The following TBC1D22A variants were observed in gnomAD, a reference collection of about 807,000 sequenced individuals.
The protein encoded by TBC1D22A is putative GTPase activator.
Under a neutral mutation model 60.2 loss-of-function variants are expected in TBC1D22A, and 38 were observed. That is an observed-to-expected ratio of 0.63 (90% CI 0.49 to 0.83). TBC1D22A has a LOEUF of 0.83. Among genes scored for constraint, TBC1D22A ranks in the 40% least tolerant of loss-of-function variants. TBC1D22A has a pLI of 0.00. For missense variants in TBC1D22A, 628 were observed against 701.0 expected (o/e 0.90, Z 1.18); for synonymous variants, 302 against 281.7 (o/e 1.07, Z -0.72).
chr22:47,161,494 G>A (rs1041381802), intron 12 of TBC1D22A, among the ~76,000 whole-genome samples: 4 of 152,178 alleles, frequency 2.6e-5, no homozygotes, highest in Non-Finnish European at 5.9e-5. Context: ...GACCAAAATT[G>A]CCTTCAACAC....
At chr22:47,010,312 CG>C (rs1305292000) in intron 10 of TBC1D22A, among the ~76,000 whole-genome samples, 1 of 152,014 alleles carries the variant, frequency 6.6e-6, no homozygotes, top group East Asian at 1.9e-4. Flanking sequence ...GCAGCCAGGC[CG>C]GGGAACAGGC....
intron 10 of TBC1D22A, among the ~76,000 whole-genome samples, chr22:47,030,538 A>G (rs1019084446): frequency 2.0e-5 from 3 of 152,216 alleles, no homozygotes; most frequent in African/African-American, 7.2e-5. Flanking sequence ...CAGCTTGCCA[A>G]TATGACACAT....
At chr22:47,097,975 G>A (rs955784195) in intron 11 of TBC1D22A, among the ~76,000 whole-genome samples, 6 of 152,178 alleles carry the variant, frequency 3.9e-5, no homozygotes, top group Non-Finnish European at 5.9e-5. Context: ...AGTGGTGGGG[G>A]CCCCTGCTAC....
chr22:46,943,863 G>A (rs6009066), intron 8 of TBC1D22A, among the ~76,000 whole-genome samples: 3,106 of 152,204 alleles, frequency 0.02, 108 homozygotes, highest in African/African-American at 0.072. Flanking sequence ...TTTGAGGTTC[G>A]CCGGTATTGT....
chr22:46,792,046 C>T (rs1413474104), intron 1 of TBC1D22A, among the ~76,000 whole-genome samples: 2 of 152,236 alleles, frequency 1.3e-5, no homozygotes, highest in Non-Finnish European at 2.9e-5. Flanking sequence ...CAGGCGTGAG[C>T]TACCGTGCCA....
At chr22:47,030,599 G>A (rs951729031) in intron 10 of TBC1D22A, among the ~76,000 whole-genome samples, 1 of 152,104 alleles carries the variant, frequency 6.6e-6, no homozygotes, top group African/African-American at 2.4e-5. Flanking sequence ...TGCCACATAA[G>A]GGCTTTATGA....
At chr22:46,964,674 T>C (rs1475412904) in intron 8 of TBC1D22A, among the ~76,000 whole-genome samples, 2 of 152,234 alleles carry the variant, frequency 1.3e-5, no homozygotes, top group Non-Finnish European at 2.9e-5. Flanking sequence ...GTTTGGATAG[T>C]TACAATGTAA....
chr22:46,900,715 AT>A (rs1194075050), intron 7 of TBC1D22A, among the ~76,000 whole-genome samples: 24 of 152,322 alleles, frequency 1.6e-4, no homozygotes, highest in African/African-American at 5.3e-4. Context: ...TGTTGCAAGG[AT>A]CAGGAGTTCA....
In TBC1D22A at chr22:46,990,910, C is replaced by T. The variant is rs1382749042; in HGVS notation, c.1126-6724C>T. The stretch of plus-strand genomic sequence containing the variant: ...TGTGCCGCTTTACTCTGCTGGTTGG[C>T]CCGTGTCTGAAGACAAGGGACAGTC... On this transcript the variant is annotated intron_variant, in intron 9 of 12. Transcript: ENST00000337137. The surrounding 1 kb of genome is among the most constrained non-coding windows in gnomAD (Gnocchi z 4.6). Among the ~76,000 whole-genome samples, 1 of 152,194 alleles carries T rather than the reference C, an allele frequency of 6.6e-6. No homozygotes were observed. The highest frequency in any genetic ancestry group is 2.4e-5 in the African/African-American group (1 of 41,450).
At chr22:46,977,359 G>T (rs961243167) in intron 9 of TBC1D22A, among the ~76,000 whole-genome samples, 5 of 152,082 alleles carry the variant, frequency 3.3e-5, no homozygotes, top group Admixed American at 3.3e-4. Context: ...TGAAGCACCT[G>T]CCTTCTCTCT....
At chr22:46,909,832 C>A (rs1569208591) in intron 7 of TBC1D22A, among the ~76,000 whole-genome samples, 1 of 152,184 alleles carries the variant, frequency 6.6e-6, no homozygotes, top group Non-Finnish European at 1.5e-5. Flanking sequence ...CACACGCCGT[C>A]CCCTGGGCTT....
chr22:46,851,190 G>A (rs929396236), intron 4 of TBC1D22A, among the ~76,000 whole-genome samples: 1 of 152,244 alleles, frequency 6.6e-6, no homozygotes, highest in South Asian at 2.1e-4. Flanking sequence ...TTTGCCGTGG[G>A]ATGTCCCTAA....
chr22:46,873,648 T>C (rs1840318798), intron 4 of TBC1D22A, among the ~76,000 whole-genome samples: 1 of 152,202 alleles, frequency 6.6e-6, no homozygotes, highest in Non-Finnish European at 1.5e-5. Context: ...TAGTTACTTT[T>C]CCTGATCCTC....
At chr22:47,130,526 C>T (rs1255889047) in intron 12 of TBC1D22A, among the ~76,000 whole-genome samples, 1 of 152,220 alleles carries the variant, frequency 6.6e-6, no homozygotes, top group Non-Finnish European at 1.5e-5. Flanking sequence ...CACTTCCTCG[C>T]AGGCTTCGCG....
intron 1 of TBC1D22A, among the ~76,000 whole-genome samples, chr22:46,772,164 T>C (rs1182969730): frequency 0.01 from 3 of 294 alleles, no homozygotes; most frequent in African/African-American, 0.019. Context: ...TATATATGTA[T>C]ACACACATAT....
intron 11 of TBC1D22A, among the ~76,000 whole-genome samples, chr22:47,087,626 A>G (rs931418617): frequency 2.0e-5 from 3 of 152,240 alleles, no homozygotes; most frequent in Admixed American, 2.0e-4. Flanking sequence ...ATACCTACTT[A>G]CTGAAATACA....
At chr22:47,045,818 G>A (rs935835254) in intron 11 of TBC1D22A, among the ~76,000 whole-genome samples, 1 of 152,174 alleles carries the variant, frequency 6.6e-6, no homozygotes, top group Admixed American at 6.5e-5. Context: ...AGCTGCTGCT[G>A]TACGGATTGG....
intron 8 of TBC1D22A, among the ~76,000 whole-genome samples, chr22:46,920,769 GTTAT>G (rs1308708687): frequency 1.6e-5 from 2 of 121,380 alleles, no homozygotes; most frequent in African/African-American, 3.4e-5. Context: ...TTAACATTAT[GTTAT>G]TTATTCATTT....
intron 4 of TBC1D22A, among the ~76,000 whole-genome samples, chr22:46,874,592 T>G (rs1602258961): frequency 2.5e-5 from 2 of 81,562 alleles, no homozygotes; most frequent in Non-Finnish European, 4.8e-5. Flanking sequence ...TTTTTTTTTT[T>G]GAGACAAAGT....
Sources: gnomAD v4.1 joint callset for allele counts (sites outside exome capture counted in the v4.1 genomes callset) on GRCh38, gnomAD v4.1.1 for gene constraint, Gnocchi (gnomAD v3.1) non-coding constraint, MANE v1.5 for transcripts, NCBI Gene and HGNC (gene_info 2026-07-23, HGNC 2026-07-21) for gene names.